The following PHF24 variants were observed in gnomAD, a reference collection of about 807,000 sequenced individuals.
PHF24 encodes the protein Galpha inhibitory interacting protein.
PHF24 carries 25 observed loss-of-function variants against 42.6 expected under a neutral mutation model. The observed-to-expected ratio is 0.59, with a 90% CI of 0.43 to 0.82. PHF24 has a LOEUF of 0.82. Among genes scored for constraint, PHF24 ranks in the 40% least tolerant of loss-of-function variants. The pLI, the probability that PHF24 is intolerant of heterozygous loss-of-function variation, is 0.00. For synonymous variants in PHF24, 185 were observed against 204.8 expected (o/e 0.90, Z 0.83); for missense variants, 470 against 538.1 (o/e 0.87, Z 1.25).
At chr9:34,982,320 C>T (rs3849916) in exon 8 of PHF24, 149,313 of 152,326 alleles carry the variant, frequency 0.98, 73,238 homozygotes, top group Middle Eastern at 1. Flanking sequence ...AACACTTGAG[C>T]AACACTTGGG....
intron 1 of PHF24, among the ~76,000 whole-genome samples, chr9:34,965,330 C>G (rs1440577185): frequency 6.6e-6 from 1 of 152,210 alleles, no homozygotes; most frequent in Non-Finnish European, 1.5e-5. Context: ...AGTTTACTGT[C>G]AAAGTCAAAG....
the PHF24 span, chr9:34,729,133 G>T: frequency 2.0e-6 from 2 of 983,616 alleles, no homozygotes; most frequent in Non-Finnish European, 1.5e-6. Flanking sequence ...GCCTGGTAAG[G>T]AATTATAGTC....
chr9:34,749,151 T>C, the PHF24 span, among the ~76,000 whole-genome samples: 92 of 151,622 alleles, frequency 6.1e-4, no homozygotes, highest in African/African-American at 2.1e-3. Flanking sequence ...TACTTAAAAA[T>C]ACATAACCAG....
the PHF24 span, among the ~76,000 whole-genome samples, chr9:34,780,512 T>C: frequency 6.6e-6 from 1 of 152,046 alleles, no homozygotes; most frequent in Non-Finnish European, 1.5e-5. Flanking sequence ...TTTGAACTCC[T>C]GGGCTCAAGC....
chr9:34,908,822 TTTTTCTTTTC>T, the PHF24 span, among the ~76,000 whole-genome samples: 4 of 151,366 alleles, frequency 2.6e-5, no homozygotes, highest in Non-Finnish European at 4.4e-5. Flanking sequence ...CCTCATCCTT[TTTTTCTTTTC>T]TTTTCTTTTC....
chr9:34,723,330 T>G, the PHF24 span: 7 of 1,551,664 alleles, frequency 4.5e-6, no homozygotes, highest in African/African-American at 1.4e-5. Flanking sequence ...CCAGGTTGTC[T>G]GGAGTGTAGC....
the PHF24 span, among the ~76,000 whole-genome samples, chr9:34,720,430 C>T: frequency 2.9e-5 from 4 of 139,024 alleles, no homozygotes; most frequent in South Asian, 2.3e-4. Context: ...CCGGCCTGGG[C>T]GACAGAGCGA....
the PHF24 span, among the ~76,000 whole-genome samples, chr9:34,767,305 A>G: frequency 6.6e-6 from 1 of 152,204 alleles, no homozygotes; most frequent in Non-Finnish European, 1.5e-5. Context: ...CTTCCCCCAG[A>G]GGTGGAGCCC....
the PHF24 span, among the ~76,000 whole-genome samples, chr9:34,839,892 G>C: frequency 3.3e-5 from 5 of 152,278 alleles, no homozygotes; most frequent in African/African-American, 9.6e-5. Flanking sequence ...GGTCAGAGAG[G>C]GTTCCTGGGG....
the PHF24 span, among the ~76,000 whole-genome samples, chr9:34,804,219 A>G: frequency 6.6e-6 from 1 of 152,226 alleles, no homozygotes; most frequent in Non-Finnish European, 1.5e-5. Flanking sequence ...CTGTCATGAA[A>G]GAGAGTTCAG....
the PHF24 span, among the ~76,000 whole-genome samples, chr9:34,673,376 T>C: frequency 2.0e-5 from 3 of 150,592 alleles, no homozygotes; most frequent in African/African-American, 7.3e-5. Flanking sequence ...AAGAGAGGAA[T>C]TGAGGTAAGA....
chr9:34,866,678 G>T, the PHF24 span, among the ~76,000 whole-genome samples: 1 of 152,298 alleles, frequency 6.6e-6, no homozygotes, highest in Admixed American at 6.5e-5. Context: ...TGATACTCCT[G>T]CTCATTGAGG....
the PHF24 span, among the ~76,000 whole-genome samples, chr9:34,859,146 C>T: frequency 6.6e-6 from 1 of 152,158 alleles, no homozygotes; most frequent in South Asian, 2.1e-4. Context: ...CATACAGCTA[C>T]TGCTTGGGGC....
At chr9:34,959,205 C>T (rs1394092969) in intron 1 of PHF24, among the ~76,000 whole-genome samples, 3 of 152,064 alleles carry the variant, frequency 2.0e-5, no homozygotes, top group Non-Finnish European at 4.4e-5. Context: ...TTTGACCGTG[C>T]GGAAGGAAGC....
chr9:34,676,931 C>T, the PHF24 span, among the ~76,000 whole-genome samples: 2 of 152,228 alleles, frequency 1.3e-5, no homozygotes, highest in African/African-American at 4.8e-5. Flanking sequence ...ATGAGAAATC[C>T]ATTCCCGTGA....
At chr9:34,711,663 C>T in the PHF24 span, among the ~76,000 whole-genome samples, 2 of 152,016 alleles carry the variant, frequency 1.3e-5, no homozygotes, top group African/African-American at 4.8e-5. Flanking sequence ...CTGCCTCAGC[C>T]TCCCGAGTAA....
the PHF24 span, among the ~76,000 whole-genome samples, chr9:34,720,116 C>T: frequency 2.0e-5 from 3 of 152,224 alleles, no homozygotes; most frequent in South Asian, 2.1e-4. Flanking sequence ...CCTGGGTTTC[C>T]GTAGGAACCA....
the PHF24 span, among the ~76,000 whole-genome samples, chr9:34,804,310 T>A: frequency 6.6e-6 from 1 of 152,142 alleles, no homozygotes; most frequent in Admixed American, 6.5e-5. Context: ...AATAAAAAAG[T>A]CTGTTTTTCC....
the PHF24 span, among the ~76,000 whole-genome samples, chr9:34,918,534 A>C: frequency 6.6e-6 from 1 of 152,212 alleles, no homozygotes; most frequent in Non-Finnish European, 1.5e-5. Flanking sequence ...AATGTCTCCC[A>C]TAAGTAGGTA....
Sources: gnomAD v4.1 joint callset for allele counts (sites outside exome capture counted in the v4.1 genomes callset) on GRCh38, gnomAD v4.1.1 for gene constraint, MANE v1.5 for transcripts, NCBI Gene and HGNC (gene_info 2026-07-23, HGNC 2026-07-21) for gene names.